The following UTRN variants were observed in gnomAD, a reference collection of about 807,000 sequenced individuals.
UTRN encodes the protein utrophin.
A neutral mutation model predicts 463.9 loss-of-function variants in UTRN; 283 were observed. The observed-to-expected ratio is 0.61, with a 90% CI of 0.55 to 0.67. The LOEUF (loss-of-function observed/expected upper bound fraction) is 0.67, where lower values mean the gene tolerates loss of function less well. Ranked by LOEUF, UTRN falls within the 30% of genes least tolerant of loss-of-function variation. UTRN has a pLI of 0.00. For synonymous variants in UTRN, 1,442 were observed against 1,431.5 expected (o/e 1.01, Z -0.17); for missense variants, 3,922 against 4,084.3 (o/e 0.96, Z 1.08).
At chr6:144,614,424 T>G (rs1805854277) in intron 51 of UTRN, among the ~76,000 whole-genome samples, 1 of 152,102 alleles carries the variant, frequency 6.6e-6, no homozygotes, top group Admixed American at 6.6e-5. Flanking sequence ...AGGTTTCCAG[T>G]GAGTTTTTGA....
intron 51 of UTRN, among the ~76,000 whole-genome samples, chr6:144,616,538 T>G (rs1201017960): frequency 1.3e-5 from 2 of 151,836 alleles, no homozygotes; most frequent in Non-Finnish European, 2.9e-5. Flanking sequence ...CTGATAGTTT[T>G]TTTTTTTTTT....
chr6:144,577,185 T>A lies in UTRN; in HGVS notation c.7376T>A (p.Ile2459Asn). 2 of 1,613,912 alleles carry A rather than the reference T, an allele frequency of 1.2e-6. No individual in the cohort carries two copies. The highest frequency in any genetic ancestry group is 1.1e-5 in the South Asian group (1 of 91,080). ...GATCTGGAAAACTTCCTGAAGTGGATCCAAGAAGCAGAGACCACAGTGAAT... is the reference window on the plus strand; with the variant it reads ...GATCTGGAAAACTTCCTGAAGTGGAACCAAGAAGCAGAGACCACAGTGAAT... ...RRDLENFLKW[I>N]QEAETTVNVL... is the part of the protein sequence containing the mutation. Residue 2459 changes from isoleucine to asparagine, a missense_variant, in exon 51 of 75, where the codon ATC becomes AAC. Ile to Asn is a moderately radical substitution (Grantham distance 149). This residue lies in a region of UTRN where 1,309 missense variants were observed against 1,452.6 expected (regional missense o/e 0.90). Coordinates refer to ENST00000367545, the MANE Select transcript of UTRN (RefSeq NM_007124.3).
chr6:144,311,476 AGCT>A (rs1806263630), intron 2 of UTRN, among the ~76,000 whole-genome samples: 1 of 152,224 alleles, frequency 6.6e-6, no homozygotes, highest in African/African-American at 2.4e-5. Flanking sequence ...AAAAGAGCTT[AGCT>A]TAGTGTCAAA....
intron 54 of UTRN, among the ~76,000 whole-genome samples, chr6:144,738,431 C>G (rs1789681839): frequency 6.6e-6 from 1 of 152,060 alleles, no homozygotes; most frequent in East Asian, 1.9e-4. Context: ...TGTTCATTAC[C>G]TTCAGTTCAG....
intron 39 of UTRN, 150 bp downstream of exon 39, chr6:144,517,098 A>T: frequency 1.5e-6 from 1 of 646,584 alleles, no homozygotes; most frequent in Non-Finnish European, 2.2e-6. Flanking sequence ...ATGTGTTCAT[A>T]TTTTTGGATG....
At chr6:144,299,852 A>G (rs1805073268) in intron 2 of UTRN, among the ~76,000 whole-genome samples, 1 of 152,152 alleles carries the variant, frequency 6.6e-6, no homozygotes. Flanking sequence ...GTGGTTAGAG[A>G]AATGTATTAT....
At position 144,429,572 on chromosome 6, in the gene UTRN, C is replaced by T. The variant is rs1785608644; in HGVS notation, c.695-9C>T. ...ATTTAAGCTGGTTCTTATATTCTTC[C>T]ACTTTTAGATGTTGCCGTTCAGCTT... On this transcript the variant is annotated splice_polypyrimidine_tract_variant and intron_variant, in intron 8 of 74. Coordinates refer to ENST00000367545, the MANE Select transcript of UTRN (RefSeq NM_007124.3). 1.3e-6 allele frequency: 2 copies of T among 1,586,394 alleles called. No individual in the cohort carries two copies. The highest frequency in any genetic ancestry group is 1.4e-5 in the African/African-American group (1 of 73,294).
chr6:144,767,253 C>G (rs1171312035), intron 58 of UTRN, among the ~76,000 whole-genome samples: 8 of 151,946 alleles, frequency 5.3e-5, no homozygotes, highest in African/African-American at 1.5e-4. Context: ...GTGATTTTCT[C>G]CAGTTGTTTT....
At chr6:144,520,402 A>G (rs1446628415) in intron 39 of UTRN, among the ~76,000 whole-genome samples, 1 of 152,182 alleles carries the variant, frequency 6.6e-6, no homozygotes, top group Non-Finnish European at 1.5e-5. Context: ...GCATTCTTTT[A>G]TATTTGCTTA....
At chr6:144,740,948 A>C (rs748236725) in intron 54 of UTRN, among the ~76,000 whole-genome samples, 1 of 152,224 alleles carries the variant, frequency 6.6e-6, no homozygotes, top group Non-Finnish European at 1.5e-5. Flanking sequence ...GCAATCGTTT[A>C]CACGTGTGTA....
chr6:144,804,669 G>A (rs1181753399), intron 65 of UTRN, among the ~76,000 whole-genome samples: 1 of 146,708 alleles, frequency 6.8e-6, no homozygotes, highest in Non-Finnish European at 1.5e-5. Flanking sequence ...GCTGGCAATT[G>A]TCAGAGTTAG....
chr6:144,586,932 C>G (rs1341561939), intron 51 of UTRN, among the ~76,000 whole-genome samples: 1 of 151,974 alleles, frequency 6.6e-6, no homozygotes, highest in Non-Finnish European at 1.5e-5. Context: ...GTTTTAGTCA[C>G]CCCCCAAACT....
chr6:144,781,517 G>A (rs1439267808), intron 60 of UTRN, among the ~76,000 whole-genome samples: 1 of 152,162 alleles, frequency 6.6e-6, no homozygotes, highest in African/African-American at 2.4e-5. Context: ...CAGTGCACAG[G>A]CTGCTTGCAG....
At chr6:144,840,317 G>T (rs1781455946) in intron 72 of UTRN, among the ~76,000 whole-genome samples, 2 of 151,932 alleles carry the variant, frequency 1.3e-5, no homozygotes, top group African/African-American at 2.4e-5. Flanking sequence ...TACTTTTGTG[G>T]CAGGATAAGC....
intron 51 of UTRN, among the ~76,000 whole-genome samples, chr6:144,614,022 T>G (rs984406581): frequency 2.6e-5 from 4 of 152,146 alleles, no homozygotes; most frequent in African/African-American, 4.8e-5. Flanking sequence ...GAAAGAATGA[T>G]TCTCTCATTA....
chr6:144,440,750 A>C (rs781302984), intron 13 of UTRN, among the ~76,000 whole-genome samples: 1 of 152,134 alleles, frequency 6.6e-6, no homozygotes, highest in Non-Finnish European at 1.5e-5. Flanking sequence ...ACAGTGTATT[A>C]GTCCGTTTTC....
intron 2 of UTRN, among the ~76,000 whole-genome samples, chr6:144,300,086 A>AT (rs10677686): frequency 0.039 from 5,579 of 142,386 alleles, 281 homozygotes; most frequent in East Asian, 0.16. Flanking sequence ...AAGTCTTGTG[A>AT]TTTTTTTTTT....
At chr6:144,513,510 A>G (rs1160041919) in intron 35 of UTRN, among the ~76,000 whole-genome samples, 1 of 152,128 alleles carries the variant, frequency 6.6e-6, no homozygotes, top group Admixed American at 6.6e-5. Context: ...AGATTGTGCC[A>G]CTCTACTCCA....
At chr6:144,735,757 C>A (rs1209999544) in intron 54 of UTRN, among the ~76,000 whole-genome samples, 2 of 151,866 alleles carry the variant, frequency 1.3e-5, no homozygotes, top group Non-Finnish European at 1.5e-5. Flanking sequence ...ATTCTGGACT[C>A]TTCTCAGTGG....
Sources: gnomAD v4.1 joint callset for allele counts (sites outside exome capture counted in the v4.1 genomes callset) on GRCh38, gnomAD v4.1.1 for gene constraint, gnomAD v4.1.1 regional missense constraint, MANE v1.5 for transcripts, NCBI Gene and HGNC (gene_info 2026-07-23, HGNC 2026-07-21) for gene names.